SLC18A2: variants seen among roughly 807,000 people sequenced by gnomAD.
The protein encoded by SLC18A2 is solute carrier family 18 member A2, also known as synaptic vesicular amine transporter.
Under a neutral mutation model 59.2 loss-of-function variants are expected in SLC18A2, and 33 were observed. That is an observed-to-expected ratio of 0.56 (90% CI 0.42 to 0.75). The LOEUF is 0.75. Ranked by LOEUF, SLC18A2 falls within the 30% of genes least tolerant of loss-of-function variation. The probability of loss-of-function intolerance (pLI) is 0.00; values close to 1 mark genes in which losing one functional copy is unlikely to be tolerated. For missense variants in SLC18A2, 569 were observed against 668.6 expected (o/e 0.85, Z 1.64); for synonymous variants, 228 against 253.5 (o/e 0.90, Z 0.95).
rs367660209 is a variant in SLC18A2, at chr10:117,277,138, T to C, written c.1441-24T>C. On this transcript the variant is annotated intron_variant, in intron 15 of 15. Transcript: ENST00000644641. ...ATCTTTATGAAACAAGAAGTTAATA[T>C]ACTTGCACTTTGCTCTCTTTTAGGC... 1.2e-4 allele frequency: 149 copies of C among 1,260,180 alleles called. 2 individuals are homozygous for C. In the Middle Eastern group the frequency reaches 1.4e-3, roughly 12 times the overall value. 78.1% of individuals were successfully genotyped at this position (1,260,180 alleles called of 1,614,324 possible).
In SLC18A2 at chr10:117,251,358, C is replaced by T. The variant is rs11816858; in HGVS notation, c.465-2041C>T. ...TATCCTGCAGTGCCGTGTGAGCCCC[C>T]GGTGTTGGGTTTCTTTTGTCCACAT... On this transcript the variant is annotated intron_variant, in intron 3 of 15. Coordinates refer to ENST00000644641, the MANE Select transcript of SLC18A2 (RefSeq NM_003054.6). Among the ~76,000 whole-genome samples, 1,364 of 152,232 alleles carry T rather than the reference C, an allele frequency of 9.0e-3. 27 individuals carry two copies. Among genetic ancestry groups the T allele is most frequent in the African/African-American group, 0.032 (1,308 of 41,508 alleles).
At chr10:117,267,579 C>T (rs191506496) in intron 12 of SLC18A2, 94 bp from the exon 13 acceptor site, 313 of 906,056 alleles carry the variant, frequency 3.5e-4, no homozygotes, top group Middle Eastern at 2.5e-3. Context: ...AACAGGCATA[C>T]CACGCTCAGA....
chr10:117,276,984 T>TA (rs1243830258), intron 15 of SLC18A2, among the ~76,000 whole-genome samples, 178 bp from the exon 16 acceptor site: 1 of 152,236 alleles, frequency 6.6e-6, no homozygotes, highest in Non-Finnish European at 1.5e-5. Context: ...CTGGAATTTT[T>TA]AGAGTGTAGA....
rs1019067231 is a variant in SLC18A2 at position 117,269,872 on chromosome 10, C to T, written c.1187-199C>T. Among the ~76,000 whole-genome samples the T allele has an allele frequency of 1.3e-5, 2 of 152,168 alleles. No homozygotes were observed. The highest frequency in any genetic ancestry group is 3.9e-4 in the East Asian group (2 of 5,194). ...AGAGAACATCTGTATACGAGGGGAA[C>T]CTGACCTCCTCTGGGGGTCAGAAAA... On this transcript the variant is annotated intron_variant, in intron 13 of 15. Coordinates refer to ENST00000644641, the MANE Select transcript of SLC18A2 (RefSeq NM_003054.6). The surrounding 1 kb of genome is among the most constrained non-coding windows in gnomAD (Gnocchi z 5.1).
chr10:117,253,969 G>C (rs1844195398), intron 4 of SLC18A2, 79 bp from the exon 5 acceptor site: 17 of 1,289,452 alleles, frequency 1.3e-5, no homozygotes, highest in Non-Finnish European at 1.1e-6. Flanking sequence ...GGTTAAGGGG[G>C]GCTTCTGAAA....
In SLC18A2 at chr10:117,255,380, C is replaced by T. The variant is rs766160366; in HGVS notation, c.790+14C>T. On this transcript the variant is annotated intron_variant, in intron 7 of 15. Transcript: ENST00000644641. ...TCTTGGATGGAGGTGAGTGAGTCCA[C>T]GTGGGCGCCATGCCATGACCTTGGC... 23 of 1,613,988 alleles carry T rather than the reference C, an allele frequency of 1.4e-5. No homozygotes were observed. The highest frequency in any genetic ancestry group is 2.2e-5 in the East Asian group (1 of 44,904).
At position 117,253,595 on chromosome 10, in the gene SLC18A2, G is replaced by A. The variant is rs1008060409; in HGVS notation, c.523+138G>A. The A allele has an allele frequency of 3.7e-5, 21 of 573,590 alleles. No homozygotes were observed. The Admixed American group carries it at 5.2e-4, about 14-fold the overall frequency. The allele number at this position is 573,590 out of a possible 1,614,324, so 35.5% of individuals were successfully genotyped here. On this transcript the variant is annotated intron_variant, in intron 4 of 15. Transcript: ENST00000644641. ...CGTGGTTGGCTCATGCCTGTAATCCGAGCACTTTGGGAGGCTGAGGTGGGC... is the reference window on the plus strand; with the variant it reads ...CGTGGTTGGCTCATGCCTGTAATCCAAGCACTTTGGGAGGCTGAGGTGGGC...
At chr10:117,260,141 C>T (rs1410754864) in intron 10 of SLC18A2, among the ~76,000 whole-genome samples, 2 of 151,978 alleles carry the variant, frequency 1.3e-5, no homozygotes, top group Non-Finnish European at 2.9e-5. Context: ...GCAAAAACAC[C>T]CTCCCACCAT....
In SLC18A2 at chr10:117,277,528, G is replaced by C; in HGVS notation, c.*262G>C. Reference sequence around the variant, plus strand: ...TATTAAATATCATACAATATATTTTGATGAAATAGGTATTGTGTAAATCTA... The same window carrying C: ...TATTAAATATCATACAATATATTTTCATGAAATAGGTATTGTGTAAATCTA... On this transcript the variant is annotated 3_prime_UTR_variant, in exon 16 of 16. Transcript: ENST00000644641. The C allele has an allele frequency of 4.8e-6, 1 of 208,560 alleles. No individual in the cohort carries two copies. Among genetic ancestry groups the C allele is most frequent in the Non-Finnish European group, 9.5e-6 (1 of 105,346 alleles). The allele number at this position is 208,560 out of a possible 1,614,324, so 12.9% of individuals were successfully genotyped here.
At chr10:117,261,989 C>T (rs1844298617) in intron 10 of SLC18A2, among the ~76,000 whole-genome samples, 1 of 152,084 alleles carries the variant, frequency 6.6e-6, no homozygotes, top group South Asian at 2.1e-4. Context: ...CTCACTGCAA[C>T]CTCTGCCACT....
At chr10:117,256,676 A>T (rs1844235025) in intron 9 of SLC18A2, among the ~76,000 whole-genome samples, 1 of 152,100 alleles carries the variant, frequency 6.6e-6, no homozygotes, top group Non-Finnish European at 1.5e-5. Context: ...GGCCAAAGGG[A>T]TATGGAGGTG....
chr10:117,260,498 G>T (rs1175008024), intron 10 of SLC18A2, among the ~76,000 whole-genome samples: 1 of 152,174 alleles, frequency 6.6e-6, no homozygotes, highest in Non-Finnish European at 1.5e-5. Flanking sequence ...AGGTATGGGG[G>T]CGGAAGGGGG....
At chr10:117,249,653 A>G (rs1844141233) in intron 3 of SLC18A2, among the ~76,000 whole-genome samples, 1 of 152,220 alleles carries the variant, frequency 6.6e-6, no homozygotes, top group African/African-American at 2.4e-5. Flanking sequence ...AATCATGAGA[A>G]GAGAGCTTCC....
intron 11 of SLC18A2, 82 bp from the exon 12 acceptor site, chr10:117,266,898 CAAGT>C: frequency 6.5e-7 from 1 of 1,550,122 alleles, no homozygotes; most frequent in East Asian, 2.2e-5. Flanking sequence ...TTTGCTGTTA[CAAGT>C]AATTGTTTTG....
chr10:117,258,360 CA>C (rs1306430752), intron 10 of SLC18A2, among the ~76,000 whole-genome samples: 1 of 152,184 alleles, frequency 6.6e-6, no homozygotes, highest in Non-Finnish European at 1.5e-5. Flanking sequence ...TCCCCCAGCC[CA>C]TCTCCTGTGA....
rs1397788877 is a variant in SLC18A2, at chr10:117,241,132, C to G, written c.-104C>G. 1 of 151,832 alleles carries G rather than the reference C, an allele frequency of 6.6e-6. No homozygotes were observed. The highest frequency in any genetic ancestry group is 1.5e-5 in the Non-Finnish European group (1 of 68,010). 9.4% of individuals were successfully genotyped at this position (151,832 alleles called of 1,614,324 possible). ...GGGCGCTGGGGCGGAGACTGCGACC[C>G]GGAGCCGCCCGGACTGACGGAGCCC... On this transcript the variant is annotated 5_prime_UTR_variant, in exon 1 of 16. Transcript: ENST00000644641.
At chr10:117,275,748 A>G (rs1450333051) in intron 15 of SLC18A2, among the ~76,000 whole-genome samples, 1 of 152,206 alleles carries the variant, frequency 6.6e-6, no homozygotes, top group Non-Finnish European at 1.5e-5. Context: ...ATAAGCAAAT[A>G]CTATTGGACA....
At chr10:117,276,385 G>A (rs1844490898) in intron 15 of SLC18A2, among the ~76,000 whole-genome samples, 1 of 152,086 alleles carries the variant, frequency 6.6e-6, no homozygotes, top group East Asian at 1.9e-4. Context: ...GCTGAGGAGG[G>A]GGGATCACTT....
chr10:117,254,058 C>T lies in SLC18A2; in HGVS notation c.534C>T (p.Phe178=), dbSNP rs371236300. The T allele has an allele frequency of 1.2e-6, 2 of 1,613,430 alleles. No homozygotes were observed. The highest frequency in any genetic ancestry group is 1.7e-6 in the Non-Finnish European group (2 of 1,180,036). ...IMFVSTIMFA[F]SSSYAFLLIA... ...CCCCTCTCTCGGCAGTGTTTGCCTTCTCCAGCAGCTATGCCTTCCTGCTGA... is the reference window on the plus strand; with the variant it reads ...CCCCTCTCTCGGCAGTGTTTGCCTTTTCCAGCAGCTATGCCTTCCTGCTGA... Residue 178 remains phenylalanine, a synonymous_variant, in exon 5 of 16, where the codon TTC becomes TTT. Transcript: ENST00000644641.
Sources: gnomAD v4.1 joint callset for allele counts (sites outside exome capture counted in the v4.1 genomes callset) on GRCh38, gnomAD v4.1.1 for gene constraint, Gnocchi (gnomAD v3.1) non-coding constraint, MANE v1.5 for transcripts, NCBI Gene and HGNC (gene_info 2026-07-23, HGNC 2026-07-21) for gene names.